Variants in EIF2AK1 observed in about 807,000 individuals in gnomAD.
EIF2AK1 encodes eukaryotic translation initiation factor 2 alpha kinase 1.
Under a neutral mutation model 77.9 loss-of-function variants are expected in EIF2AK1, and 54 were observed. The observed-to-expected ratio is 0.69, with a 90% confidence interval of 0.56 to 0.87. EIF2AK1 has a LOEUF of 0.87. Ranked by LOEUF, EIF2AK1 falls within the 40% of genes least tolerant of loss-of-function variation. The probability of loss-of-function intolerance (pLI) is 0.00; values close to 1 mark genes in which losing one functional copy is unlikely to be tolerated. For missense variants in EIF2AK1, 810 were observed against 768.6 expected (o/e 1.05, Z -0.64); for synonymous variants, 314 against 290.5 (o/e 1.08, Z -0.82).
chr7:6,024,868 T>C (rs1047823242), intron 14 of EIF2AK1, 67 bp from the exon 15 acceptor site: 2 of 1,191,032 alleles, frequency 1.7e-6, no homozygotes, highest in Non-Finnish European at 2.3e-6. Context: ...AGACAGAGTC[T>C]CGCTCTGTCG....
intron 6 of EIF2AK1, among the ~76,000 whole-genome samples, chr7:6,044,951 A>G (rs981094797): frequency 2.0e-5 from 3 of 152,154 alleles, no homozygotes; most frequent in Non-Finnish European, 4.4e-5. Flanking sequence ...GTAAGCTATA[A>G]TGTTCGGTAG....
chr7:6,026,589 C>A (rs766411409), intron 14 of EIF2AK1, 139 bp downstream of exon 14: 11 of 748,688 alleles, frequency 1.5e-5, no homozygotes, highest in South Asian at 1.3e-4. Flanking sequence ...TGGACGAGAA[C>A]AAACAGGCCC....
At position 6,025,227 on chromosome 7, in the gene EIF2AK1, TAACTG is replaced by T. The variant is rs571210541; in HGVS notation, c.1765-431_1765-427del. Among the ~76,000 whole-genome samples the T allele has an allele frequency of 1.2e-4, 18 of 152,330 alleles. 1 individual carries two copies. The East Asian group carries it at 3.5e-3, about 29-fold the overall frequency. On this transcript the variant is annotated intron_variant, in intron 14 of 14. Transcript: ENST00000199389. The stretch of plus-strand genomic sequence containing the variant: ...TAACTATGGTCTCTAATAGCTATCT[TAACTG>T]AGCATCAGAAAATCCCCTTCATATA...
chr7:6,048,363 T>C (rs529692006), intron 4 of EIF2AK1, among the ~76,000 whole-genome samples: 2 of 152,354 alleles, frequency 1.3e-5, no homozygotes, highest in African/African-American at 4.8e-5. Flanking sequence ...CTGTTTTTAC[T>C]TAGGATGTTT....
intron 1 of EIF2AK1, among the ~76,000 whole-genome samples, chr7:6,056,613 A>AAAAAAATATATATATATATATAT: frequency 2.3e-5 from 1 of 43,730 alleles, no homozygotes; most frequent in African/African-American, 8.2e-5. Context: ...AAAAAAAAAA[A>AAAAAAATATATATATATATATAT]ATATATATAT....
chr7:6,059,017 C>T lies in EIF2AK1; in HGVS notation c.67G>A (p.Ala23Thr), dbSNP rs569444108. 6 of 1,541,394 alleles carry T rather than the reference C, an allele frequency of 3.9e-6. No individual in the cohort carries two copies. The Admixed American group carries it at 7.9e-5, about 20-fold the overall frequency. ...EEGDGAGAVA[A>T]PPAIDFPAEG... ...GCGGGAAAGTCGATGGCCGGCGGCG[C>T]AGCCACAGCCCCAGCCCCGTCGCCC... Residue 23 changes from alanine (A) to threonine (T), a missense_variant, in exon 1 of 15, where the codon GCG (alanine) becomes ACG (threonine). By Grantham distance (58) the Ala-to-Thr change is moderately conservative. Transcript: ENST00000199389.
rs1165907541 is a variant in EIF2AK1 at position 6,022,779 on chromosome 7, G to T, written c.*1894C>A. 1 of 152,892 alleles carries T rather than the reference G, an allele frequency of 6.5e-6. No individual in the cohort carries two copies. Among genetic ancestry groups the T allele is most frequent in the Non-Finnish European group, 1.5e-5 (1 of 68,604 alleles). The allele number at this position is 152,892 out of a possible 1,614,324, so 9.5% of individuals were successfully genotyped here. ...ACAGCCATCTTGCCCTCACATTCAA[G>T]AACTTACCATCATAGGGACACTGAA... is the stretch of plus-strand genomic sequence containing the variant. On this transcript the variant is annotated 3_prime_UTR_variant, in exon 15 of 15. Transcript: ENST00000199389.
chr7:6,034,543 C>G (rs1388051285), intron 11 of EIF2AK1, among the ~76,000 whole-genome samples: 1 of 152,130 alleles, frequency 6.6e-6, no homozygotes, highest in African/African-American at 2.4e-5. Context: ...CTCTAGAACT[C>G]TGCCGGCTTC....
rs996242801 is a variant in EIF2AK1 at position 6,024,590 on chromosome 7, C to T, written c.*83G>A. The T allele has an allele frequency of 2.5e-6, 4 of 1,591,798 alleles. No homozygotes were observed. The highest frequency in any genetic ancestry group is 1.4e-5 in the African/African-American group (1 of 73,778). ...AAGTCTTGTAAAGGCTTACTAAATA[C>T]AACGAAGCATTGTACCAACTATACC... On this transcript the variant is annotated 3_prime_UTR_variant, in exon 15 of 15. Coordinates refer to ENST00000199389, the MANE Select transcript of EIF2AK1 (RefSeq NM_014413.4).
chr7:6,038,674 A>G lies in EIF2AK1; in HGVS notation c.1120-3T>C. The G allele has an allele frequency of 6.3e-7, 1 of 1,598,918 alleles. No individual in the cohort carries two copies. Among genetic ancestry groups the G allele is most frequent in the Non-Finnish European group, 8.5e-7 (1 of 1,172,918 alleles). On this transcript the variant is annotated splice_region_variant and splice_polypyrimidine_tract_variant and intron_variant, in intron 9 of 14. Coordinates refer to ENST00000199389, the MANE Select transcript of EIF2AK1 (RefSeq NM_014413.4). ...TGCAGCATCAGGTGGTACTGTGCCT[A>G]GGAGAGGACACAGTGATGGCTCCCA...
intron 2 of EIF2AK1, among the ~76,000 whole-genome samples, chr7:6,050,495 C>A (rs1788578114): frequency 6.6e-6 from 1 of 151,028 alleles, no homozygotes; most frequent in Non-Finnish European, 1.5e-5. Flanking sequence ...AGGCCCAGCC[C>A]TTAGATAAAT....
intron 11 of EIF2AK1, among the ~76,000 whole-genome samples, chr7:6,034,873 C>A (rs1788030172): frequency 6.6e-6 from 1 of 152,148 alleles, no homozygotes; most frequent in African/African-American, 2.4e-5. Context: ...CAGATTCAAC[C>A]CCTGTCACTT....
Position 6,058,978 on chromosome 7 carries a change from G to T in EIF2AK1, c.106C>A (p.Pro36Thr), listed in dbSNP as rs750754783. 1 of 1,538,700 alleles carries T rather than the reference G, an allele frequency of 6.5e-7. No homozygotes were observed. The highest frequency in any genetic ancestry group is 1.4e-5 in the African/African-American group (1 of 70,178). The change falls in exon 1 of 15, where the codon CCC becomes ACC. Residue 36 changes from proline to threonine, a missense_variant. This residue lies in a region of EIF2AK1 where 246 missense variants were observed against 199.0 expected (regional missense o/e 1.24). Coordinates refer to ENST00000199389, the MANE Select transcript of EIF2AK1 (RefSeq NM_014413.4). ...AIDFPAEGPDPEYDESDVPAE... is the reference protein window; with the variant it reads ...AIDFPAEGPDTEYDESDVPAE... The stretch of plus-strand genomic sequence containing the variant: ...TCCGATCCCTCACCGTCATATTCGG[G>T]GTCCGGGCCCTCGGCGGGAAAGTCG...
chr7:6,033,220 C>T lies in EIF2AK1; in HGVS notation c.1333-4188G>A, dbSNP rs1000966395. 3.3e-5 allele frequency among the ~76,000 whole-genome samples: 5 copies of T among 152,276 alleles called. No individual in the cohort carries two copies. Among genetic ancestry groups the T allele is most frequent in the African/African-American group, 4.8e-5 (2 of 41,564 alleles). ...CTGGCCTCAAGTGATCCACCTGCCTCGGCCTCCCAAAGTGCTGGGATTAAC... is the reference window on the plus strand; with the variant it reads ...CTGGCCTCAAGTGATCCACCTGCCTTGGCCTCCCAAAGTGCTGGGATTAAC... On this transcript the variant is annotated intron_variant, in intron 11 of 14. Transcript: ENST00000199389. The surrounding 1 kb of genome is among the most constrained non-coding windows in gnomAD (Gnocchi z 4.4).
intron 9 of EIF2AK1, 38 bp from the exon 10 acceptor site, chr7:6,038,709 G>T (rs753630081): frequency 1.3e-6 from 2 of 1,513,946 alleles, no homozygotes; most frequent in Middle Eastern, 1.7e-4. Flanking sequence ...ATCTTTGCAC[G>T]ATTCACTCGC....
intron 11 of EIF2AK1, among the ~76,000 whole-genome samples, chr7:6,030,589 C>T (rs987468658): frequency 6.6e-6 from 1 of 152,202 alleles, no homozygotes. Flanking sequence ...ACCTCCACCT[C>T]TCAGGTTCAA....
chr7:6,031,754 G>T (rs1190053732), intron 11 of EIF2AK1, among the ~76,000 whole-genome samples: 1 of 152,134 alleles, frequency 6.6e-6, no homozygotes, highest in Non-Finnish European at 1.5e-5. Flanking sequence ...AGCCTGCAAA[G>T]CCTCCCCTAC....
intron 2 of EIF2AK1, among the ~76,000 whole-genome samples, chr7:6,052,274 G>A (rs2128891686): frequency 6.6e-6 from 1 of 150,894 alleles, no homozygotes; most frequent in East Asian, 1.9e-4. Flanking sequence ...TCATGTACAA[G>A]ATTACTGTAT....
chr7:6,042,917 A>G lies in EIF2AK1; in HGVS notation c.791+16T>C. ...AGGTGACAAGAGGTAATGTCCTAAT[A>G]TGTAAAAGGACATACCTGTCCTCTT... On this transcript the variant is annotated intron_variant, in intron 8 of 14. Transcript: ENST00000199389. 1 of 1,609,786 alleles carries G rather than the reference A, an allele frequency of 6.2e-7. No individual in the cohort carries two copies. The highest frequency in any genetic ancestry group is 8.5e-7 in the Non-Finnish European group (1 of 1,176,708).
Sources: allele counts gnomAD v4.1 joint callset (sites outside exome capture counted in the v4.1 genomes callset), GRCh38; gene constraint gnomAD v4.1.1; regional missense constraint gnomAD v4.1.1; non-coding constraint Gnocchi (gnomAD v3.1); transcripts MANE v1.5; gene names NCBI Gene and HGNC (gene_info 2026-07-23, HGNC 2026-07-21).